Variants in CLEC12A observed in about 807,000 individuals in gnomAD.
The protein encoded by CLEC12A is C-type lectin domain family 12 member A.
Under a neutral mutation model 26.5 loss-of-function variants are expected in CLEC12A, and 22 were observed. The ratio of observed to expected loss-of-function variants is 0.83; its 90% CI spans 0.59 to 1.19. The LOEUF is 1.19. CLEC12A is among the 50% of genes most tolerant of loss of function. The pLI is 0.00. For synonymous variants in CLEC12A, 119 were observed against 101.9 expected (o/e 1.17, Z -1.01); for missense variants, 353 against 315.6 (o/e 1.12, Z -0.90).
chr12:9,967,629 C>G (rs983536508), upstream of CLEC12A, among the ~76,000 whole-genome samples: 1 of 148,592 alleles, frequency 6.7e-6, no homozygotes, highest in African/African-American at 2.5e-5. Context: ...GGGTTCTTGC[C>G]CCCAAGAAGA....
Position 9,982,061 on chromosome 12 carries a change from G to A in CLEC12A, c.573G>A (p.Leu191=). The change falls in exon 5 of 6, where the codon CTG becomes CTA. Residue 191 remains leucine, a synonymous_variant. Coordinates refer to ENST00000304361, the MANE Select transcript of CLEC12A (RefSeq NM_138337.6). ...AGAGTAGATCATATGACTATTGGCT[G>A]GGATTATCTCCTGAAGAAGATTCCA... is the stretch of plus-strand genomic sequence containing the variant. ...KSQSRSYDYW[L]GLSPEEDSTR... The A allele has an allele frequency of 1.3e-6, 2 of 1,599,678 alleles. No individual in the cohort carries two copies. The highest frequency in any genetic ancestry group is 1.7e-6 in the Non-Finnish European group (2 of 1,167,888).
At chr12:9,955,822 G>GA (rs1863734376) in intron 1 of CLEC12A, among the ~76,000 whole-genome samples, 1 of 152,262 alleles carries the variant, frequency 6.6e-6, no homozygotes, top group East Asian at 1.9e-4. Context: ...GTCCCATCTC[G>GA]AAAACCTGAA....
intron 4 of CLEC12A, among the ~76,000 whole-genome samples, chr12:9,990,708 T>G (rs1358698851): frequency 6.6e-6 from 1 of 152,194 alleles, no homozygotes; most frequent in Non-Finnish European, 1.5e-5. Context: ...GACTTCAATT[T>G]TGAAAGAAGT....
At chr12:9,977,711 G>C (rs531002732) in intron 1 of CLEC12A, among the ~76,000 whole-genome samples, 5 of 151,868 alleles carry the variant, frequency 3.3e-5, no homozygotes. Flanking sequence ...CTTTCTCCCT[G>C]TCTCACTTAT....
intron 1 of CLEC12A, chr12:9,951,362 TG>T: frequency 1.4e-6 from 1 of 702,952 alleles, no homozygotes; most frequent in East Asian, 2.7e-5. Flanking sequence ...GATAGGTGAG[TG>T]TCTTTTGTGG....
intron 5 of CLEC12A, chr12:9,983,784 G>A (rs982220274): frequency 2.3e-5 from 9 of 387,390 alleles, no homozygotes; most frequent in Non-Finnish European, 4.2e-5. Flanking sequence ...AAGTGTAGGA[G>A]TGTGGGTCAG....
At position 9,982,003 on chromosome 12, in the gene CLEC12A, A is replaced by G. The variant is rs1555142897; in HGVS notation, c.532-17A>G. 2 of 1,211,734 alleles carry G rather than the reference A, an allele frequency of 1.7e-6. No individual in the cohort carries two copies. Among genetic ancestry groups the G allele is most frequent in the South Asian group, 2.5e-5 (2 of 78,962 alleles). The allele number at this position is 1,211,734 out of a possible 1,614,324, so 75.1% of individuals were successfully genotyped here. ...TAGGAGACTGTTTCTTAAACAGACTATCTGTATTTCCTGTAGGAATTTATA... is the reference window on the plus strand; with the variant it reads ...TAGGAGACTGTTTCTTAAACAGACTGTCTGTATTTCCTGTAGGAATTTATA... On this transcript the variant is annotated splice_polypyrimidine_tract_variant and intron_variant, in intron 4 of 5. Coordinates refer to ENST00000304361, the MANE Select transcript of CLEC12A (RefSeq NM_138337.6).
intron 1 of CLEC12A, among the ~76,000 whole-genome samples, chr12:9,960,832 C>T (rs977546631): frequency 6.6e-6 from 1 of 152,198 alleles, no homozygotes; most frequent in Non-Finnish European, 1.5e-5. Flanking sequence ...GAGCACCACA[C>T]CCAGGCAATG....
chr12:9,954,565 C>T (rs1462970825), intron 1 of CLEC12A, among the ~76,000 whole-genome samples: 2 of 152,110 alleles, frequency 1.3e-5, no homozygotes, highest in Non-Finnish European at 2.9e-5. Flanking sequence ...TATTGGATTA[C>T]CTATCAGAAC....
intron 1 of CLEC12A, among the ~76,000 whole-genome samples, chr12:9,965,263 C>G (rs1294617868): frequency 6.6e-6 from 1 of 152,086 alleles, no homozygotes; most frequent in African/African-American, 2.4e-5. Flanking sequence ...CTGCCCTAAC[C>G]ATGCCTAGGA....
At chr12:9,984,593 G>C (rs1864696331) in intron 5 of CLEC12A, among the ~76,000 whole-genome samples, 1 of 152,112 alleles carries the variant, frequency 6.6e-6, no homozygotes, top group Non-Finnish European at 1.5e-5. Flanking sequence ...TATATATGAA[G>C]GGGCTGGGGT....
At chr12:9,980,478 G>C (rs1366859185) in intron 3 of CLEC12A, 104 bp from the exon 4 acceptor site, 1 of 1,120,394 alleles carries the variant, frequency 8.9e-7, no homozygotes, top group African/African-American at 1.6e-5. Context: ...AAAGAAAGAA[G>C]AATAAACAGC....
At chr12:9,994,929 A>G in intron 4 of CLEC12A, 2 of 1,288,594 alleles carry the variant, frequency 1.6e-6, no homozygotes, top group Non-Finnish European at 2.1e-6. Flanking sequence ...ATCAGAGATA[A>G]AGGTGGATTG....
At chr12:9,965,358 T>A (rs969200894) in intron 1 of CLEC12A, among the ~76,000 whole-genome samples, 3 of 152,126 alleles carry the variant, frequency 2.0e-5, no homozygotes, top group Non-Finnish European at 4.4e-5. Context: ...CATGTGTTTT[T>A]ATGAGAATTA....
intron 1 of CLEC12A, among the ~76,000 whole-genome samples, chr12:9,977,142 C>T (rs79621425): frequency 1.7e-4 from 26 of 152,264 alleles, no homozygotes; most frequent in Non-Finnish European, 3.4e-4. Flanking sequence ...TACAAATGTG[C>T]ATATCTACCA....
intron 1 of CLEC12A, among the ~76,000 whole-genome samples, chr12:9,958,580 A>G (rs748872716): frequency 1.3e-5 from 2 of 152,208 alleles, no homozygotes; most frequent in African/African-American, 2.4e-5. Flanking sequence ...GTTAAAAGGT[A>G]AAAAAGCCAG....
chr12:9,956,374 A>G (rs541454599), intron 1 of CLEC12A, among the ~76,000 whole-genome samples: 1 of 152,340 alleles, frequency 6.6e-6, no homozygotes, highest in African/African-American at 2.4e-5. Flanking sequence ...TGGAATTCTT[A>G]TTCTTAGTAA....
intron 1 of CLEC12A, among the ~76,000 whole-genome samples, chr12:9,973,856 C>T (rs1050617571): frequency 6.6e-6 from 1 of 151,912 alleles, no homozygotes; most frequent in Non-Finnish European, 1.5e-5. Context: ...TCTGCTTTTC[C>T]TTTTTGGTGC....
chr12:9,985,440 T>G lies in CLEC12A; in HGVS notation c.*414T>G. 2.5e-6 allele frequency: 1 copy of G among 400,082 alleles called. No individual in the cohort carries two copies. The highest frequency in any genetic ancestry group is 4.4e-6 in the Non-Finnish European group (1 of 227,154). 24.8% of individuals were successfully genotyped at this position (400,082 alleles called of 1,614,324 possible). A position where few individuals can be genotyped will look rare whatever the true frequency, so the allele number is the denominator to read the frequency against. On this transcript the variant is annotated 3_prime_UTR_variant, in exon 6 of 6. Transcript: ENST00000304361. The stretch of plus-strand genomic sequence containing the variant: ...CCCCATCTCGGGTCCATCCTATACT[T>G]CCATGGGACTCCCTATGGCTGAAGG...
Sources: gnomAD v4.1 joint callset for allele counts (sites outside exome capture counted in the v4.1 genomes callset) on GRCh38, gnomAD v4.1.1 for gene constraint, MANE v1.5 for transcripts, NCBI Gene and HGNC (gene_info 2026-07-23, HGNC 2026-07-21) for gene names.